Variants in SIK3 observed in about 807,000 individuals in gnomAD.
SIK3 encodes SIK family kinase 3.
SIK3 carries 28 observed loss-of-function variants against 144.2 expected under a neutral mutation model. The observed-to-expected ratio is 0.19, with a 90% confidence interval of 0.14 to 0.27. SIK3 has a LOEUF of 0.27. SIK3 is among the 10% of genes least tolerant of loss of function. SIK3 has a pLI of 1.00. For missense variants in SIK3, 1,319 were observed against 1,776.0 expected, an observed-to-expected ratio of 0.74 and a Z score of 4.62; for synonymous variants, 686 against 676.3, an observed-to-expected ratio of 1.01 and a Z score of -0.22.
chr11:116,959,545 T>C (rs7120963), intron 1 of SIK3, among the ~76,000 whole-genome samples: 69,519 of 152,030 alleles, frequency 0.46, 19,246 homozygotes, highest in Non-Finnish European at 0.64. Flanking sequence ...ACAATGTAAC[T>C]GGGGAAAAGC....
intron 9 of SIK3, 83 bp downstream of exon 9, chr11:116,875,783 G>C (rs577668733): frequency 9.6e-6 from 14 of 1,460,080 alleles, no homozygotes; most frequent in Non-Finnish European, 1.3e-5. Context: ...AGAAACTCTC[G>C]ACTTAGGGTT....
intron 14 of SIK3, 96 bp from the exon 15 acceptor site, chr11:116,868,185 A>AGCT (rs1338959233): frequency 1.2e-5 from 17 of 1,459,660 alleles, no homozygotes; most frequent in Admixed American, 2.0e-5. Context: ...ACTCAATGAA[A>AGCT]TAGTGCCAGA....
chr11:116,910,880 A>G (rs1260796130), intron 4 of SIK3, among the ~76,000 whole-genome samples: 19 of 152,252 alleles, frequency 1.2e-4, no homozygotes, highest in Admixed American at 1.2e-3. Flanking sequence ...GTACGTTCAA[A>G]AGGTTAAGTA....
intron 1 of SIK3, among the ~76,000 whole-genome samples, chr11:117,013,967 C>CTTTTTTTTTTTTTTTTTTTTTTTT (rs1951406146): frequency 1.4e-4 from 1 of 7,372 alleles, no homozygotes; most frequent in Non-Finnish European, 3.3e-4. Context: ...TTCTTTTTTT[C>CTTTTTTTTTTTTTTTTTTTTTTTT]TTTTCTTTTT....
At chr11:116,961,359 A>T (rs536355697) in intron 1 of SIK3, among the ~76,000 whole-genome samples, 1 of 152,064 alleles carries the variant, frequency 6.6e-6, no homozygotes, top group East Asian at 1.9e-4. Flanking sequence ...AAGTTGGAAC[A>T]GAGAAACTGC....
chr11:116,994,724 G>A (rs1239069732), intron 1 of SIK3, among the ~76,000 whole-genome samples: 3 of 152,236 alleles, frequency 2.0e-5, no homozygotes, highest in Middle Eastern at 3.4e-3. Context: ...AGGAATCTAC[G>A]TTTACTCACA....
chr11:116,910,937 A>C (rs188532316), intron 4 of SIK3, among the ~76,000 whole-genome samples: 1 of 152,334 alleles, frequency 6.6e-6, no homozygotes, highest in African/African-American at 2.4e-5. Flanking sequence ...CCAAAGAAAA[A>C]GTGAGGATTG....
intron 4 of SIK3, among the ~76,000 whole-genome samples, chr11:116,919,478 T>C (rs1465452807): frequency 6.6e-6 from 1 of 152,192 alleles, no homozygotes; most frequent in Non-Finnish European, 1.5e-5. Context: ...AACTATCTCA[T>C]GGAGACCATT....
Position 116,844,608 on chromosome 11 carries a change from T to A in SIK3, c.*1035A>T, listed in dbSNP as rs1425231077. On this transcript the variant is annotated 3_prime_UTR_variant, in exon 25 of 25. Coordinates refer to ENST00000445177, the MANE Select transcript of SIK3 (RefSeq NM_001366686.3). Reference sequence around the variant, plus strand: ...TATATATATATATTTTATATATATATTATATATATAATATATATATAATAT... The same window carrying A: ...TATATATATATATTTTATATATATAATATATATATAATATATATATAATAT... 7.2e-5 allele frequency: 4 copies of A among 55,864 alleles called. No homozygotes were observed. The highest frequency in any genetic ancestry group is 2.7e-4 in the African/African-American group (3 of 11,102). 3.5% of individuals were successfully genotyped at this position (55,864 alleles called of 1,614,324 possible). A position where few individuals can be genotyped will look rare whatever the true frequency, so the allele number is the denominator to read the frequency against.
In SIK3 at chr11:116,900,186, G is replaced by C. The variant is rs560129305; in HGVS notation, c.617-2869C>G. Among the ~76,000 whole-genome samples, 3 of 152,232 alleles carry C rather than the reference G, an allele frequency of 2.0e-5. No homozygotes were observed. In the East Asian group the frequency reaches 5.8e-4, roughly 29 times the overall value. ...CCAAAGTCATACCTGCGCTTTCAGTGCTTTTACCCTCATTAGTGACATCAC... is the reference window on the plus strand; with the variant it reads ...CCAAAGTCATACCTGCGCTTTCAGTCCTTTTACCCTCATTAGTGACATCAC... On this transcript the variant is annotated intron_variant, in intron 4 of 24. Transcript: ENST00000445177.
At chr11:116,885,223 G>A (rs755275657) in intron 6 of SIK3, among the ~76,000 whole-genome samples, 90 of 152,272 alleles carry the variant, frequency 5.9e-4, no homozygotes, top group Non-Finnish European at 1.1e-3. Flanking sequence ...AAGAGATGGA[G>A]CCCATAAGAA....
In SIK3 at chr11:116,857,886, A is replaced by C. The variant is rs1565366494; in HGVS notation, c.3579T>G (p.His1193Gln). The stretch of plus-strand genomic sequence containing the variant: ...AGGGATGTATCCCCAATTCTTGGGC[A>C]TGACTCACAGTTCCTAGCAAAGATT... ...DPESLLGTVS[H>Q]AQELGIHPYG... is the part of the protein sequence containing the mutation. Residue 1193 changes from histidine to glutamine, a missense_variant, in exon 21 of 25, where the codon CAT becomes CAG. This residue lies in a region of SIK3 where 646 missense variants were observed against 763.7 expected (regional missense o/e 0.85). Transcript: ENST00000445177. The C allele has an allele frequency of 6.2e-7, 1 of 1,614,238 alleles. No homozygotes were observed.
intron 3 of SIK3, among the ~76,000 whole-genome samples, chr11:116,939,634 A>T (rs1467198961): frequency 6.6e-6 from 1 of 152,192 alleles, no homozygotes; most frequent in Non-Finnish European, 1.5e-5. Context: ...TGCAATAAAA[A>T]ACTATGGAGC....
At chr11:117,055,990 C>T (rs1474452545) in intron 1 of SIK3, among the ~76,000 whole-genome samples, 1 of 152,164 alleles carries the variant, frequency 6.6e-6, no homozygotes, top group Non-Finnish European at 1.5e-5. Flanking sequence ...ATAAATTACC[C>T]AGTGTCAGGT....
chr11:117,072,181 A>C (rs1954311190), intron 1 of SIK3, among the ~76,000 whole-genome samples: 1 of 152,108 alleles, frequency 6.6e-6, no homozygotes, highest in Admixed American at 6.6e-5. Flanking sequence ...AGAGGTCAGG[A>C]GTTCGAGACC....
At chr11:117,083,044 A>G (rs1354029598) in intron 1 of SIK3, among the ~76,000 whole-genome samples, 6 of 152,208 alleles carry the variant, frequency 3.9e-5, no homozygotes, top group Non-Finnish European at 4.4e-5. Context: ...ATGCAACTAA[A>G]TTTTGGTTTT....
chr11:116,846,423 G>A lies in SIK3; in HGVS notation c.4083C>T (p.Ser1361=). The change falls in exon 24 of 25, where the codon TCC becomes TCT. Residue 1361 remains serine, a synonymous_variant. Transcript: ENST00000445177. The surrounding 1 kb of genome is among the most constrained non-coding windows in gnomAD (Gnocchi z 4.1). ...ILLSYKHPEV[S]FSMEQAGV is the part of the protein sequence containing the mutation. The stretch of plus-strand genomic sequence containing the variant: ...ACACGCCTGCCTGCTCCATGCTGAA[G>A]GAGACTTCGGGGTGCTTGTAGCTGA... The A allele has an allele frequency of 6.2e-6, 10 of 1,614,196 alleles. No individual in the cohort carries two copies. Among genetic ancestry groups the A allele is most frequent in the Non-Finnish European group, 8.5e-6 (10 of 1,180,036 alleles).
chr11:116,869,943 G>C (rs599320), intron 14 of SIK3: 30,382 of 439,808 alleles, frequency 0.069, 4,891 homozygotes, highest in African/African-American at 0.44. Context: ...TCCATGGCCA[G>C]ACTAGCTAGG....
chr11:116,861,419 C>T, intron 18 of SIK3, 36 bp from the exon 19 acceptor site: 1 of 1,440,858 alleles, frequency 6.9e-7, no homozygotes, highest in Non-Finnish European at 9.7e-7. Flanking sequence ...AAAGAAGCTT[C>T]CTAAGGTGAC....
Sources: gnomAD v4.1 joint callset for allele counts (sites outside exome capture counted in the v4.1 genomes callset) on GRCh38, gnomAD v4.1.1 for gene constraint, gnomAD v4.1.1 regional missense constraint, Gnocchi (gnomAD v3.1) non-coding constraint, MANE v1.5 for transcripts, NCBI Gene and HGNC (gene_info 2026-07-23, HGNC 2026-07-21) for gene names.